The following PCDHA4 variants were observed in gnomAD, a reference collection of about 807,000 sequenced individuals.
PCDHA4 encodes the protein protocadherin alpha-4.
A neutral mutation model predicts 61.4 loss-of-function variants in PCDHA4; 49 were observed. The ratio of observed to expected loss-of-function variants is 0.80; its 90% CI spans 0.63 to 1.01. PCDHA4 has a LOEUF of 1.01. Ranked by LOEUF, PCDHA4 falls within the 50% of genes least tolerant of loss-of-function variation. The pLI is 0.00. For synonymous variants in PCDHA4, 590 were observed against 550.3 expected (o/e 1.07, Z -1.01); for missense variants, 1,254 against 1,235.8 (o/e 1.01, Z -0.22).
intron 1 of PCDHA4, chr5:140,857,825 G>T: frequency 3.8e-6 from 6 of 1,597,886 alleles, no homozygotes; most frequent in Non-Finnish European, 3.4e-6. Flanking sequence ...GGTGGCTAAG[G>T]TGCGCGCAGT....
At chr5:140,884,281 G>C in intron 1 of PCDHA4, 4 of 1,613,614 alleles carry the variant, frequency 2.5e-6, no homozygotes, top group Non-Finnish European at 3.4e-6. Flanking sequence ...CGCTGGTGGA[G>C]AGCGGCCAAG....
intron 1 of PCDHA4, among the ~76,000 whole-genome samples, chr5:140,898,428 A>G (rs1554187988): frequency 2.6e-5 from 4 of 152,132 alleles, no homozygotes; most frequent in Non-Finnish European, 5.9e-5. Flanking sequence ...TTTTCCCAGC[A>G]CCATTTATTA....
In PCDHA4 at chr5:140,968,377, T is replaced by C. The variant is rs1461765123; in HGVS notation, c.2386-10572T>C. 2.5e-6 allele frequency: 4 copies of C among 1,613,962 alleles called. No individual in the cohort carries two copies. In the African/African-American group the frequency reaches 4.0e-5, roughly 16 times the overall value. ...GCAGCCTTTATGCTGTCAACTCCTT[T>C]GACTATGAGAAGTTTCGGGAGTTCT... On this transcript the variant is annotated intron_variant, in intron 1 of 3. Transcript: ENST00000530339.
chr5:140,887,239 G>A (rs1248062448), intron 1 of PCDHA4, among the ~76,000 whole-genome samples: 2 of 151,736 alleles, frequency 1.3e-5, no homozygotes, highest in Admixed American at 6.6e-5. Context: ...TGAGACTACC[G>A]GCGCCCGCCA....
chr5:140,880,309 A>G (rs2058299906), intron 1 of PCDHA4, among the ~76,000 whole-genome samples: 1 of 152,236 alleles, frequency 6.6e-6, no homozygotes. Flanking sequence ...TGAAAGAAAC[A>G]AGTAAAAAAT....
At chr5:140,963,611 A>C (rs955529183) in intron 1 of PCDHA4, among the ~76,000 whole-genome samples, 1 of 152,208 alleles carries the variant, frequency 6.6e-6, no homozygotes, top group Admixed American at 6.5e-5. Context: ...TAATTGGGAA[A>C]GCTTAACTTT....
intron 1 of PCDHA4, among the ~76,000 whole-genome samples, chr5:140,903,758 T>TCCACCAAAGCCCAGTAATAGGCCAAGA (rs2070567163): frequency 6.6e-6 from 1 of 152,218 alleles, no homozygotes; most frequent in Non-Finnish European, 1.5e-5. Flanking sequence ...CCTTGATTTT[T>TCCACCAAAGCCCAGTAATAGGCCAAGA]GCTGAACTTT....
chr5:140,909,202 G>A (rs1849054), intron 1 of PCDHA4, among the ~76,000 whole-genome samples: 48,059 of 152,084 alleles, frequency 0.32, 7,957 homozygotes, highest in East Asian at 0.53. Context: ...ACACAAAGCC[G>A]GAGAGTTGAT....
chr5:140,986,073 G>A (rs1428668406), intron 3 of PCDHA4, among the ~76,000 whole-genome samples: 1 of 152,176 alleles, frequency 6.6e-6, no homozygotes, highest in East Asian at 1.9e-4. Context: ...TAAAGAAACT[G>A]TTCATTTATT....
chr5:140,951,144 T>C (rs1052192456), intron 1 of PCDHA4, among the ~76,000 whole-genome samples: 3 of 100,560 alleles, frequency 3.0e-5, no homozygotes, highest in Non-Finnish European at 6.0e-5. Context: ...CTTTATCTTA[T>C]TGAATATAGT....
At chr5:140,860,288 G>A (rs1305065556) in intron 1 of PCDHA4, 2 of 151,928 alleles carry the variant, frequency 1.3e-5, no homozygotes, top group African/African-American at 4.8e-5. Context: ...GGGTGAGGTG[G>A]GAGGACGGCT....
chr5:140,808,521 T>G lies in PCDHA4; in HGVS notation c.1334T>G (p.Val445Gly). 1 of 1,613,976 alleles carries G rather than the reference T, an allele frequency of 6.2e-7. No individual in the cohort carries two copies. Among genetic ancestry groups the G allele is most frequent in the Non-Finnish European group, 8.5e-7 (1 of 1,180,000 alleles). ...LWATASVSVE[V>G]ADVNDNAPAF... is the part of the protein sequence containing the mutation. ...GCCACGGCCAGTGTTTCTGTGGAGG[T>G]GGCTGATGTGAACGACAACGCTCCG... is the stretch of plus-strand genomic sequence containing the variant. The change falls in exon 1 of 4, where the codon GTG becomes GGG. Residue 445 changes from valine to glycine, a missense_variant. Physicochemically the swap from Val to Gly is moderately radical, Grantham distance 109. Coordinates refer to ENST00000530339, the MANE Select transcript of PCDHA4 (RefSeq NM_018907.4).
At chr5:140,975,010 C>T (rs2096649304) in intron 1 of PCDHA4, among the ~76,000 whole-genome samples, 1 of 152,182 alleles carries the variant, frequency 6.6e-6, no homozygotes, top group Admixed American at 6.5e-5. Context: ...GAAATGAACA[C>T]AGCTGGGCTG....
chr5:140,860,923 G>A (rs1419430467), intron 1 of PCDHA4: 5 of 152,248 alleles, frequency 3.3e-5, no homozygotes, highest in African/African-American at 9.7e-5. Flanking sequence ...ATTTTTAGTA[G>A]AGACGAGGTT....
At chr5:140,984,968 C>T (rs1380988893) in intron 3 of PCDHA4, among the ~76,000 whole-genome samples, 1 of 151,950 alleles carries the variant, frequency 6.6e-6, no homozygotes, top group South Asian at 2.1e-4. Flanking sequence ...GACAGAGTCT[C>T]GCTCTGTCCC....
intron 1 of PCDHA4, chr5:140,884,567 A>T (rs1562807924): frequency 6.2e-7 from 1 of 1,614,120 alleles, no homozygotes; most frequent in Non-Finnish European, 8.5e-7. Context: ...CCCGCATAAG[A>T]CGGACCTCAT....
rs2150476768 is a variant in PCDHA4, at chr5:140,850,270, G to C, written c.2385+40698G>C. On this transcript the variant is annotated intron_variant, in intron 1 of 3. Transcript: ENST00000530339. ...TCGGTGGGCGCCGGCGTAGTGGTGG[G>C]GAAGGTGCGCGCAGTGGACGCCGAC... 8 of 1,594,948 alleles carry C rather than the reference G, an allele frequency of 5.0e-6. 1 individual carries two copies. In the Admixed American group the frequency reaches 5.1e-5, roughly 10 times the overall value.
chr5:140,903,023 G>A (rs1554190732), intron 1 of PCDHA4, among the ~76,000 whole-genome samples: 1 of 152,126 alleles, frequency 6.6e-6, no homozygotes, highest in East Asian at 1.9e-4. Context: ...TATCAACATG[G>A]CTTGCACATG....
intron 1 of PCDHA4, among the ~76,000 whole-genome samples, chr5:140,904,216 ATTG>A (rs2070958692): frequency 6.6e-6 from 1 of 151,842 alleles, no homozygotes; most frequent in East Asian, 1.9e-4. Flanking sequence ...CCCAAAGTCC[ATTG>A]TATTATACTT....
Sources: allele counts gnomAD v4.1 joint callset (sites outside exome capture counted in the v4.1 genomes callset), GRCh38; gene constraint gnomAD v4.1.1; transcripts MANE v1.5; gene names NCBI Gene and HGNC (gene_info 2026-07-23, HGNC 2026-07-21).